Variants in PCP4 observed in about 807,000 individuals in gnomAD.
PCP4 encodes calmodulin regulator protein PCP4.
In PCP4, 8 loss-of-function variants were observed where a neutral mutation model predicts 10.0. That is an observed-to-expected ratio of 0.80 (90% CI 0.47 to 1.45). The LOEUF (loss-of-function observed/expected upper bound fraction) is 1.45, where lower values mean the gene tolerates loss of function less well. Ranked by LOEUF, PCP4 falls within the 40% of genes most tolerant of loss-of-function variation. The pLI is 0.00. For synonymous variants in PCP4, 21 were observed against 23.0 expected, an observed-to-expected ratio of 0.91 and a Z score of 0.24; for missense variants, 54 against 74.4, an observed-to-expected ratio of 0.73 and a Z score of 1.01.
At chr21:39,891,657 A>T (rs2087432193) in intron 1 of PCP4, among the ~76,000 whole-genome samples, 1 of 152,230 alleles carries the variant, frequency 6.6e-6, no homozygotes, top group Non-Finnish European at 1.5e-5. Flanking sequence ...GCTGGCCGTT[A>T]TTTATTGCAT....
chr21:39,898,449 C>CT (rs771240699), intron 1 of PCP4, 27 bp from the exon 2 acceptor site: 1 of 1,599,350 alleles, frequency 6.3e-7, no homozygotes, highest in African/African-American at 1.3e-5. Flanking sequence ...ATAACAATTG[C>CT]TTTTTTCTTT....
intron 2 of PCP4, among the ~76,000 whole-genome samples, chr21:39,910,149 G>C (rs1184599786): frequency 3.3e-5 from 5 of 152,138 alleles, no homozygotes; most frequent in African/African-American, 1.2e-4. Context: ...ATCATGCTCT[G>C]GCGTTCATTT....
intron 2 of PCP4, among the ~76,000 whole-genome samples, chr21:39,924,528 G>A (rs1486835063): frequency 6.6e-6 from 1 of 152,080 alleles, no homozygotes; most frequent in African/African-American, 2.4e-5. Context: ...GGGACACGAG[G>A]CCTGTGTTCT....
intron 1 of PCP4, among the ~76,000 whole-genome samples, chr21:39,870,365 G>A (rs2087313898): frequency 2.0e-5 from 3 of 152,198 alleles, no homozygotes; most frequent in Admixed American, 6.5e-5. Context: ...TGTCAGATGT[G>A]CCTGGAGCAA....
rs34312418 is a variant in PCP4, at chr21:39,897,385, C to CAA, written c.10-1073_10-1072dup. Among the ~76,000 whole-genome samples, 501 of 87,592 alleles carry CAA rather than the reference C, an allele frequency of 5.7e-3. 6 individuals carry two copies. Among genetic ancestry groups the CAA allele is most frequent in the Middle Eastern group, 0.026 (5 of 192 alleles). 57.5% of individuals were successfully genotyped at this position (87,592 alleles called of 152,430 possible). ...CCTGGGACAGAGTGAGACTCTGTCT[C>CAA]AAAAAAAAAAAAAAAAAAAGTTAGA... On this transcript the variant is annotated intron_variant, in intron 1 of 2. Transcript: ENST00000328619.
chr21:39,886,202 A>G (rs2087399908), intron 1 of PCP4, among the ~76,000 whole-genome samples: 2 of 152,164 alleles, frequency 1.3e-5, no homozygotes, highest in Non-Finnish European at 1.5e-5. Context: ...GGAGGTCCCA[A>G]TTCAGCCCAC....
At position 39,916,044 on chromosome 21, in the gene PCP4, A is replaced by G. The variant is rs191489170; in HGVS notation, c.62-12940A>G. 7 of 151,958 alleles carry G rather than the reference A, an allele frequency of 4.6e-5. No homozygotes were observed. In the East Asian group the frequency reaches 1.2e-3, roughly 25 times the overall value. The allele number at this position is 151,958 out of a possible 1,614,324, so 9.4% of individuals were successfully genotyped here. On this transcript the variant is annotated intron_variant, in intron 2 of 2. Coordinates refer to ENST00000328619, the MANE Select transcript of PCP4 (RefSeq NM_006198.3). ...CTATCCCTCCAATCAGCCTGAAGAG[A>G]TTTTTTTTCTATGTTTCCTAGTCAG...
intron 2 of PCP4, among the ~76,000 whole-genome samples, chr21:39,915,369 C>G (rs547489099): frequency 6.6e-6 from 1 of 152,264 alleles, no homozygotes; most frequent in East Asian, 1.9e-4. Context: ...ATCCAATACA[C>G]AGTAAAATAC....
intron 1 of PCP4, 77 bp from the exon 2 acceptor site, chr21:39,898,399 G>A (rs1394943427): frequency 8.8e-7 from 1 of 1,142,298 alleles, no homozygotes; most frequent in South Asian, 1.2e-5. Flanking sequence ...AGAGATGTTT[G>A]CAACAATAAA....
At chr21:39,870,421 G>A (rs2146322855) in intron 1 of PCP4, among the ~76,000 whole-genome samples, 1 of 152,318 alleles carries the variant, frequency 6.6e-6, no homozygotes, top group African/African-American at 2.4e-5. Context: ...TCAGAATGCA[G>A]GCTTAAGTCT....
intron 2 of PCP4, among the ~76,000 whole-genome samples, chr21:39,907,831 C>G (rs8127672): frequency 1.3e-5 from 2 of 151,968 alleles, no homozygotes; most frequent in Non-Finnish European, 2.9e-5. Flanking sequence ...CACTTCTACC[C>G]GTTGGACTTT....
chr21:39,883,244 G>T (rs540678171), intron 1 of PCP4, among the ~76,000 whole-genome samples: 1 of 152,160 alleles, frequency 6.6e-6, no homozygotes, highest in Non-Finnish European at 1.5e-5. Flanking sequence ...GGGTTGGGGG[G>T]TGCAGGTGAA....
chr21:39,874,646 C>CT (rs536331930), intron 1 of PCP4, among the ~76,000 whole-genome samples: 210 of 138,016 alleles, frequency 1.5e-3, no homozygotes, highest in African/African-American at 5.5e-3. Flanking sequence ...TAATTTCTTC[C>CT]TTTTTTTTCA....
rs763572956 is a variant in PCP4 at position 39,898,395 on chromosome 21, G to A, written c.10-81G>A. ...TAGAACTTGATATAATGCAAGAGAT[G>A]TTTGCAACAATAAAAGAGACAAAAG... is the stretch of plus-strand genomic sequence containing the variant. On this transcript the variant is annotated intron_variant, in intron 1 of 2. Coordinates refer to ENST00000328619, the MANE Select transcript of PCP4 (RefSeq NM_006198.3). The A allele has an allele frequency of 4.5e-6, 5 of 1,105,908 alleles. No homozygotes were observed. The South Asian group carries it at 5.0e-5, about 11-fold the overall frequency. 68.5% of individuals were successfully genotyped at this position (1,105,908 alleles called of 1,614,324 possible).
intron 2 of PCP4, among the ~76,000 whole-genome samples, chr21:39,911,727 T>C (rs1298080847): frequency 6.6e-6 from 1 of 152,226 alleles, no homozygotes; most frequent in Non-Finnish European, 1.5e-5. Flanking sequence ...CACTTGTCTT[T>C]TCTATAAATC....
intron 2 of PCP4, among the ~76,000 whole-genome samples, chr21:39,901,414 T>C (rs1433596706): frequency 6.6e-6 from 1 of 152,214 alleles, no homozygotes; most frequent in African/African-American, 2.4e-5. Context: ...CTAGGTCCTA[T>C]GTGTTCGATG....
intron 1 of PCP4, among the ~76,000 whole-genome samples, chr21:39,872,221 A>G (rs1306641166): frequency 2.6e-5 from 4 of 151,952 alleles, no homozygotes; most frequent in African/African-American, 9.7e-5. Context: ...CTGGTCTCGA[A>G]CTCCTGACCT....
At chr21:39,895,652 G>A (rs1326842304) in intron 1 of PCP4, among the ~76,000 whole-genome samples, 1 of 152,252 alleles carries the variant, frequency 6.6e-6, no homozygotes, top group Admixed American at 6.5e-5. Context: ...AAGTGAGGCT[G>A]ATGAAGACAC....
intron 2 of PCP4, among the ~76,000 whole-genome samples, chr21:39,924,182 C>A (rs971910845): frequency 6.6e-6 from 1 of 152,202 alleles, no homozygotes; most frequent in African/African-American, 2.4e-5. Context: ...TTACTGCCCA[C>A]GTCCCCTTCA....
Sources: allele counts gnomAD v4.1 joint callset (sites outside exome capture counted in the v4.1 genomes callset), GRCh38; gene constraint gnomAD v4.1.1; transcripts MANE v1.5; gene names NCBI Gene and HGNC (gene_info 2026-07-23, HGNC 2026-07-21).